MCC: variants seen among roughly 807,000 people sequenced by gnomAD.
MCC encodes the protein MCC regulator of Wnt signaling pathway.
A neutral mutation model predicts 116.2 loss-of-function variants in MCC; 90 were observed. That is an observed-to-expected ratio of 0.77 (90% confidence interval 0.65 to 0.92). The LOEUF (loss-of-function observed/expected upper bound fraction) is 0.92, where lower values mean the gene tolerates loss of function less well. Ranked by LOEUF, MCC falls within the 40% of genes least tolerant of loss-of-function variation. The pLI is 0.00. For missense variants in MCC, 1,516 were observed against 1,312.2 expected, an observed-to-expected ratio of 1.16 and a Z score of -2.40; for synonymous variants, 578 against 510.5, an observed-to-expected ratio of 1.13 and a Z score of -1.78.
At chr5:113,478,169 C>A (rs1772282906) in intron 1 of MCC, among the ~76,000 whole-genome samples, 1 of 152,178 alleles carries the variant, frequency 6.6e-6, no homozygotes. Flanking sequence ...GGGAACCCAA[C>A]TTTCCTGGCT....
intron 2 of MCC, among the ~76,000 whole-genome samples, chr5:113,371,009 G>A (rs776425457): frequency 6.6e-6 from 1 of 152,170 alleles, no homozygotes; most frequent in Non-Finnish European, 1.5e-5. Flanking sequence ...CTTGAGGTCA[G>A]GAGTTCGAGA....
At chr5:113,073,123 G>C (rs1006629323) in intron 11 of MCC, among the ~76,000 whole-genome samples, 3 of 150,408 alleles carry the variant, frequency 2.0e-5, no homozygotes, top group African/African-American at 7.3e-5. Flanking sequence ...TTGTGTTAGT[G>C]TATTTTATGT....
intron 3 of MCC, among the ~76,000 whole-genome samples, chr5:113,256,233 A>C (rs542813930): frequency 3.0e-4 from 45 of 152,278 alleles, no homozygotes; most frequent in African/African-American, 1.0e-3. Flanking sequence ...GGTAGGTAAC[A>C]CCACTACTCT....
At chr5:113,259,458 T>TA (rs2150347757) in intron 3 of MCC, among the ~76,000 whole-genome samples, 1 of 152,262 alleles carries the variant, frequency 6.6e-6, no homozygotes, top group East Asian at 1.9e-4. Flanking sequence ...AGTCAGGTAA[T>TA]AGAGTCTACC....
intron 3 of MCC, among the ~76,000 whole-genome samples, chr5:113,245,533 C>T (rs1764542072): frequency 6.6e-6 from 1 of 151,892 alleles, no homozygotes. Context: ...CTTGAAGCAA[C>T]CAAGGACATA....
chr5:113,321,709 G>C (rs1056522270), intron 3 of MCC, among the ~76,000 whole-genome samples: 1 of 152,162 alleles, frequency 6.6e-6, no homozygotes, highest in African/African-American at 2.4e-5. Context: ...GCAAAGCCTG[G>C]GTTAAGCACC....
At chr5:113,437,960 C>T (rs955097007) in intron 1 of MCC, among the ~76,000 whole-genome samples, 1 of 152,176 alleles carries the variant, frequency 6.6e-6, no homozygotes, top group African/African-American at 2.4e-5. Context: ...TCTTTGGATA[C>T]CATCCCATAG....
At chr5:113,095,642 C>T (rs1456539052) in intron 8 of MCC, among the ~76,000 whole-genome samples, 1 of 151,932 alleles carries the variant, frequency 6.6e-6, no homozygotes, top group Admixed American at 6.6e-5. Flanking sequence ...ACCTCAGCCC[C>T]CGAGTAGCTG....
intron 5 of MCC, among the ~76,000 whole-genome samples, chr5:113,125,131 A>T (rs1757970411): frequency 6.6e-6 from 1 of 152,244 alleles, no homozygotes; most frequent in Non-Finnish European, 1.5e-5. Context: ...CTACTTGTTG[A>T]CTAGGCAGTG....
intron 1 of MCC, among the ~76,000 whole-genome samples, chr5:113,418,688 T>TCA (rs1281209579): frequency 6.7e-5 from 10 of 149,828 alleles, no homozygotes; most frequent in South Asian, 6.3e-4. Context: ...TTCATCATTA[T>TCA]TATCATCATC....
intron 3 of MCC, among the ~76,000 whole-genome samples, chr5:113,287,083 G>A (rs1766291898): frequency 6.6e-6 from 1 of 151,962 alleles, no homozygotes; most frequent in South Asian, 2.1e-4. Context: ...GATATATGGG[G>A]GAGGAAAGAG....
At position 113,466,031 on chromosome 5, in the gene MCC, G is replaced by A. The variant is rs1159274414; in HGVS notation, c.170+22214C>T. On this transcript the variant is annotated intron_variant, in intron 1 of 18. Transcript: ENST00000408903. Reference sequence around the variant, plus strand: ...GGCTCACTGCAACCTCTGCCTCTAGGGTTCAAGCGATTCCCCTGCCTCAGC... The same window carrying A: ...GGCTCACTGCAACCTCTGCCTCTAGAGTTCAAGCGATTCCCCTGCCTCAGC... Among the ~76,000 whole-genome samples the A allele has an allele frequency of 4.6e-5, 7 of 151,956 alleles. No homozygotes were observed. In the East Asian group the frequency reaches 1.4e-3, roughly 29 times the overall value.
intron 3 of MCC, among the ~76,000 whole-genome samples, chr5:113,217,222 C>A (rs916993726): frequency 1.3e-5 from 2 of 152,162 alleles, no homozygotes; most frequent in Admixed American, 1.3e-4. Flanking sequence ...CTCTCTCTCT[C>A]CCATAAAGAT....
At chr5:113,340,050 A>G (rs919423601) in intron 3 of MCC, among the ~76,000 whole-genome samples, 2 of 152,286 alleles carry the variant, frequency 1.3e-5, no homozygotes, top group Non-Finnish European at 2.9e-5. Context: ...TAAATTACAC[A>G]TAATGGCCTT....
At chr5:113,463,176 G>C (rs1164417978) in intron 1 of MCC, among the ~76,000 whole-genome samples, 1 of 152,148 alleles carries the variant, frequency 6.6e-6, no homozygotes, top group East Asian at 1.9e-4. Context: ...TTGATGTACA[G>C]AGAGCCTAGA....
chr5:113,045,686 A>G (rs1752023629), intron 16 of MCC, among the ~76,000 whole-genome samples: 1 of 151,876 alleles, frequency 6.6e-6, no homozygotes, highest in Non-Finnish European at 1.5e-5. Flanking sequence ...GTAGTCCCAG[A>G]TAATTGGGAG....
intron 6 of MCC, among the ~76,000 whole-genome samples, chr5:113,108,289 C>T (rs1756866283): frequency 1.7e-5 from 2 of 119,566 alleles, no homozygotes; most frequent in Admixed American, 2.2e-4. Context: ...GCTGAGATTG[C>T]ACTCCAGTCT....
At chr5:113,074,346 C>G (rs1754265616) in intron 11 of MCC, among the ~76,000 whole-genome samples, 1 of 152,228 alleles carries the variant, frequency 6.6e-6, no homozygotes, top group African/African-American at 2.4e-5. Context: ...AACTAACAAA[C>G]AGAAAGGACA....
chr5:113,282,364 G>T (rs1766080399), intron 3 of MCC, among the ~76,000 whole-genome samples: 2 of 152,146 alleles, frequency 1.3e-5, no homozygotes, highest in Admixed American at 1.3e-4. Context: ...AGCTTTATCA[G>T]CATCAGACAC....
Sources: gnomAD v4.1 joint callset for allele counts (sites outside exome capture counted in the v4.1 genomes callset) on GRCh38, gnomAD v4.1.1 for gene constraint, MANE v1.5 for transcripts, NCBI Gene and HGNC (gene_info 2026-07-23, HGNC 2026-07-21) for gene names.